Variants in FPR2 observed in about 807,000 individuals in gnomAD.
FPR2 encodes formyl peptide receptor 2, also known as N-formyl peptide receptor 2.
A neutral mutation model predicts 4.0 loss-of-function variants in FPR2; 3 were observed. That is an observed-to-expected ratio of 0.74 (90% confidence interval 0.34 to 1.92). The LOEUF (loss-of-function observed/expected upper bound fraction) is 1.92, where lower values mean the gene tolerates loss of function less well. Ranked by LOEUF, FPR2 falls within the 30% of genes most tolerant of loss-of-function variation. The pLI, the probability that FPR2 is intolerant of heterozygous loss-of-function variation, is 0.07. For missense variants in FPR2, 372 were observed against 435.7 expected (o/e 0.85, Z 1.30); for synonymous variants, 179 against 171.5 (o/e 1.04, Z -0.34).
chr19:51,762,435 C>T (rs1389816388), intron 1 of FPR2: 1 of 151,924 alleles, frequency 6.6e-6, no homozygotes, highest in Non-Finnish European at 1.4e-5. Flanking sequence ...TCTTGTTGCC[C>T]AGGCTGGAGT....
In FPR2 at chr19:51,764,548, A is replaced by C. The variant is rs573970058; in HGVS notation, c.-15+3318A>C. Reference sequence around the variant, plus strand: ...CAATTGCAACCCTCGATAATTGTGAAAGTCACTTCCGCTCTCTGAGCCGTA... The same window carrying C: ...CAATTGCAACCCTCGATAATTGTGACAGTCACTTCCGCTCTCTGAGCCGTA... On this transcript the variant is annotated intron_variant, in intron 1 of 1. Transcript: ENST00000340023. 3.3e-5 allele frequency among the ~76,000 whole-genome samples: 5 copies of C among 152,272 alleles called. No individual in the cohort carries two copies. In the East Asian group the frequency reaches 9.6e-4, roughly 29 times the overall value.
intron 1 of FPR2, among the ~76,000 whole-genome samples, chr19:51,764,389 CAG>C (rs970126085): frequency 2.3e-4 from 35 of 152,196 alleles, no homozygotes; most frequent in African/African-American, 7.0e-4. Flanking sequence ...GTGGGAAAAA[CAG>C]AGTAAATGAG....
rs1319450201 is a variant in FPR2 at position 51,769,402 on chromosome 19, T to G, written c.744T>G (p.Ala248=). 6.2e-7 allele frequency: 1 copy of G among 1,614,104 alleles called. No homozygotes were observed. The highest frequency in any genetic ancestry group is 1.3e-5 in the African/African-American group (1 of 74,940). ...RPLRVLTAVV[A]SFFICWFPFQ... The stretch of plus-strand genomic sequence containing the variant: ...TACGGGTCCTCACTGCTGTGGTGGC[T>G]TCTTTCTTCATCTGTTGGTTTCCCT... Residue 248 remains alanine (A), a synonymous_variant, in exon 2 of 2, where the codon GCT becomes GCG. Coordinates refer to ENST00000340023, the MANE Select transcript of FPR2 (RefSeq NM_001005738.2). This position sits in a 1 kb window ranked among gnomAD's most constrained non-coding sequence, Gnocchi z 4.4.
Position 51,769,139 on chromosome 19 carries a change from T to C in FPR2, c.481T>C (p.Phe161Leu). The change falls in exon 2 of 2, where the codon TTC (phenylalanine) becomes CTC (leucine). Residue 161 changes from phenylalanine (F) to leucine (L), a missense_variant. By Grantham distance (22) the Phe-to-Leu change is conservative (BLOSUM62 0). Coordinates refer to ENST00000340023, the MANE Select transcript of FPR2 (RefSeq NM_001005738.2). This position sits in a 1 kb window ranked among gnomAD's most constrained non-coding sequence, Gnocchi z 4.4. ...ILALVLTLPVFLFLTTVTIPN... is the reference protein window; with the variant it reads ...ILALVLTLPVLLFLTTVTIPN... Reference sequence around the variant, plus strand: ...TGCTCTAGTCCTTACCTTGCCAGTTTTCCTCTTTTTGACTACAGTAACTAT... The same window carrying C: ...TGCTCTAGTCCTTACCTTGCCAGTTCTCCTCTTTTTGACTACAGTAACTAT... 6.2e-7 allele frequency: 1 copy of C among 1,614,222 alleles called. No individual in the cohort carries two copies. Among genetic ancestry groups the C allele is most frequent in the Non-Finnish European group, 8.5e-7 (1 of 1,180,040 alleles).
chr19:51,761,350 G>A (rs529013652), intron 1 of FPR2, 120 bp downstream of exon 1: 1 of 152,230 alleles, frequency 6.6e-6, no homozygotes, highest in Non-Finnish European at 1.5e-5. Flanking sequence ...TGGCTTTTGA[G>A]TGCCTATGTT....
chr19:51,765,893 G>A (rs1180129138), intron 1 of FPR2, among the ~76,000 whole-genome samples: 1 of 152,190 alleles, frequency 6.6e-6, no homozygotes, highest in Non-Finnish European at 1.5e-5. Flanking sequence ...TCACAGATGA[G>A]ATTAGAAGAG....
In FPR2 at chr19:51,768,734, C is replaced by A. The variant is rs367971570; in HGVS notation, c.76C>A (p.Arg26=). The A allele has an allele frequency of 6.2e-7, 1 of 1,614,130 alleles. No homozygotes were observed. Among genetic ancestry groups the A allele is most frequent in the Non-Finnish European group, 8.5e-7 (1 of 1,180,022 alleles). ...SYESAGYTVL[R]ILPLVVLGVT... ...TGAGTCTGCTGGCTACACTGTTCTG[C>A]GGATCCTCCCATTGGTGGTGCTTGG... Residue 26 remains arginine, a synonymous_variant, in exon 2 of 2, where the codon CGG becomes AGG. Transcript: ENST00000340023.
chr19:51,765,506 G>A (rs985495901), intron 1 of FPR2, among the ~76,000 whole-genome samples: 11 of 152,208 alleles, frequency 7.2e-5, no homozygotes. Flanking sequence ...TGTGTCTCAG[G>A]AGTGCTCAGT....
rs776212251 is a variant in FPR2 at position 51,768,775 on chromosome 19, C to A, written c.117C>A (p.Leu39=). The A allele has an allele frequency of 1.2e-6, 2 of 1,614,008 alleles. No homozygotes were observed. The highest frequency in any genetic ancestry group is 2.7e-5 in the African/African-American group (2 of 74,896). ...TGGTGCTTGGGGTCACCTTTGTCCT[C>A]GGGGTCCTGGGCAATGGGCTTGTGA... ...PLVVLGVTFV[L]GVLGNGLVIW... Residue 39 remains leucine (L), a synonymous_variant, in exon 2 of 2, where the codon CTC becomes CTA. Coordinates refer to ENST00000340023, the MANE Select transcript of FPR2 (RefSeq NM_001005738.2).
At position 51,769,969 on chromosome 19, in the gene FPR2, G is replaced by A. The variant is rs960733775; in HGVS notation, c.*255G>A. The A allele has an allele frequency of 6.3e-6, 3 of 475,062 alleles. No individual in the cohort carries two copies. The highest frequency in any genetic ancestry group is 5.8e-5 in the African/African-American group (3 of 51,704). The allele number at this position is 475,062 out of a possible 1,614,324, so 29.4% of individuals were successfully genotyped here. ...GAGTTGGGAAATACAAGAAGAGAAA[G>A]ACCAGTGGGGATTTGTAAGACTTAG... is the stretch of plus-strand genomic sequence containing the variant. On this transcript the variant is annotated 3_prime_UTR_variant, in exon 2 of 2. Coordinates refer to ENST00000340023, the MANE Select transcript of FPR2 (RefSeq NM_001005738.2). This position sits in a 1 kb window ranked among gnomAD's most constrained non-coding sequence, Gnocchi z 4.4.
At position 51,770,070 on chromosome 19, in the gene FPR2, A is replaced by T. The variant is rs965738265; in HGVS notation, c.*356A>T. On this transcript the variant is annotated 3_prime_UTR_variant, in exon 2 of 2. Coordinates refer to ENST00000340023, the MANE Select transcript of FPR2 (RefSeq NM_001005738.2). ...TTGCTGTAGGTTTTTTATAGCTATTAAAAAAAATCAGATTATGGAAGTTTT... is the reference window on the plus strand; with the variant it reads ...TTGCTGTAGGTTTTTTATAGCTATTTAAAAAAATCAGATTATGGAAGTTTT... The T allele has an allele frequency of 2.3e-4, 45 of 191,662 alleles. No homozygotes were observed. Among genetic ancestry groups the T allele is most frequent in the Non-Finnish European group, 3.7e-4 (31 of 83,334 alleles). The allele number at this position is 191,662 out of a possible 1,614,324, so 11.9% of individuals were successfully genotyped here.
In FPR2 at chr19:51,769,566, T is replaced by C; in HGVS notation, c.908T>C (p.Val303Ala). ...AGCTGCCTCAACCCCATGCTTTACG[T>C]CTTTGTGGGCCAAGACTTCCGAGAG... ...FNSCLNPMLY[V>A]FVGQDFRERL... The change falls in exon 2 of 2, where the codon GTC becomes GCC. Residue 303 changes from valine to alanine, a missense_variant. Val to Ala is a moderately conservative substitution (Grantham distance 64). Transcript: ENST00000340023. This position sits in a 1 kb window ranked among gnomAD's most constrained non-coding sequence, Gnocchi z 4.4. The C allele has an allele frequency of 2.5e-6, 4 of 1,614,156 alleles. No individual in the cohort carries two copies. The highest frequency in any genetic ancestry group is 3.4e-6 in the Non-Finnish European group (4 of 1,180,030).
At chr19:51,761,732 G>T (rs188161654) in intron 1 of FPR2, among the ~76,000 whole-genome samples, 1 of 152,260 alleles carries the variant, frequency 6.6e-6, no homozygotes, top group South Asian at 2.1e-4. Flanking sequence ...GGCCGAGGTT[G>T]CAGTGAGCCG....
chr19:51,762,247 A>G (rs569074591), intron 1 of FPR2, among the ~76,000 whole-genome samples: 1 of 151,166 alleles, frequency 6.6e-6, no homozygotes, highest in Non-Finnish European at 1.5e-5. Context: ...CATCACGCCC[A>G]GCTAATTTTT....
intron 1 of FPR2, among the ~76,000 whole-genome samples, chr19:51,768,025 T>C (rs1351949584): frequency 1.3e-5 from 2 of 152,076 alleles, no homozygotes; most frequent in Admixed American, 1.3e-4. Flanking sequence ...AAAGCAGAGA[T>C]GGAACTCTCT....
At chr19:51,768,589 C>A (rs2083880200) in intron 1 of FPR2, 56 bp from the exon 2 acceptor site, 1 of 1,367,630 alleles carries the variant, frequency 7.3e-7, no homozygotes, top group African/African-American at 1.5e-5. Flanking sequence ...GCTATAAATA[C>A]AGATGCTGTA....
rs545760267 is a variant in FPR2, at chr19:51,769,862, G to A, written c.*148G>A. Reference sequence around the variant, plus strand: ...AATGCTTTTGTGTCCCTGATTTGGGGCTAAGAAATAGACAGTCAGGCTACT... The same window carrying A: ...AATGCTTTTGTGTCCCTGATTTGGGACTAAGAAATAGACAGTCAGGCTACT... On this transcript the variant is annotated 3_prime_UTR_variant, in exon 2 of 2. Coordinates refer to ENST00000340023, the MANE Select transcript of FPR2 (RefSeq NM_001005738.2). The surrounding 1 kb of genome is among the most constrained non-coding windows in gnomAD (Gnocchi z 4.4). 5 of 695,864 alleles carry A rather than the reference G, an allele frequency of 7.2e-6. No individual in the cohort carries two copies. In the Admixed American group the frequency reaches 8.8e-5, roughly 12 times the overall value. 43.1% of individuals were successfully genotyped at this position (695,864 alleles called of 1,614,324 possible).
intron 1 of FPR2, among the ~76,000 whole-genome samples, chr19:51,763,959 A>G (rs2083854508): frequency 1.3e-5 from 2 of 152,094 alleles, no homozygotes; most frequent in East Asian, 1.9e-4. Context: ...AGGTTTCACC[A>G]TGTTGGCCAG....
chr19:51,767,146 C>T (rs973983915), intron 1 of FPR2, among the ~76,000 whole-genome samples: 5 of 152,138 alleles, frequency 3.3e-5, no homozygotes, highest in Non-Finnish European at 5.9e-5. Context: ...TCATCATTTA[C>T]CTCCCATTTG....
Sources: allele counts gnomAD v4.1 joint callset (sites outside exome capture counted in the v4.1 genomes callset), GRCh38; gene constraint gnomAD v4.1.1; non-coding constraint Gnocchi (gnomAD v3.1); transcripts MANE v1.5; gene names NCBI Gene and HGNC (gene_info 2026-07-23, HGNC 2026-07-21).